Variants in TGFBR3 observed in about 807,000 individuals in gnomAD.
The protein encoded by TGFBR3 is transforming growth factor beta receptor type 3.
A neutral mutation model predicts 87.9 loss-of-function variants in TGFBR3; 46 were observed. The observed-to-expected ratio is 0.52, with a 90% CI of 0.41 to 0.67. The LOEUF is 0.67. Ranked by LOEUF, TGFBR3 falls within the 30% of genes least tolerant of loss-of-function variation. TGFBR3 has a pLI of 0.00. For missense variants in TGFBR3, 866 were observed against 1,041.9 expected, an observed-to-expected ratio of 0.83 and a Z score of 2.32; for synonymous variants, 381 against 391.6, an observed-to-expected ratio of 0.97 and a Z score of 0.32.
rs1036694652 is a variant in TGFBR3 at position 91,683,649 on chromosome 1, G to A, written c.*90C>T. The A allele has an allele frequency of 8.3e-6, 9 of 1,078,372 alleles. No homozygotes were observed. Among genetic ancestry groups the A allele is most frequent in the Middle Eastern group, 2.9e-4 (1 of 3,474 alleles). The allele number at this position is 1,078,372 out of a possible 1,614,324, so 66.8% of individuals were successfully genotyped here. ...AACCAAAATCCAGCCCTCTGAGTCTGGACACGAGGCTCAGCCATTGGTCCT... is the reference window on the plus strand; with the variant it reads ...AACCAAAATCCAGCCCTCTGAGTCTAGACACGAGGCTCAGCCATTGGTCCT... On this transcript the variant is annotated 3_prime_UTR_variant, in exon 17 of 17. Coordinates refer to ENST00000212355, the MANE Select transcript of TGFBR3 (RefSeq NM_003243.5).
In TGFBR3 at chr1:91,719,935, G is replaced by T. The variant is rs779756769; in HGVS notation, c.1371C>A (p.Asp457Glu). 1.7e-5 allele frequency: 28 copies of T among 1,614,150 alleles called. No individual in the cohort carries two copies. Among genetic ancestry groups the T allele is most frequent in the Non-Finnish European group, 2.3e-5 (27 of 1,180,034 alleles). Residue 457 changes from aspartate (D) to glutamate (E), a missense_variant, in exon 9 of 17, where the codon GAC becomes GAA. Physicochemically the swap from Asp to Glu is conservative, Grantham distance 45. Transcript: ENST00000212355. Reference protein sequence around the residue: ...SVDIALSVKCDNEKMIVAVEK... With the variant: ...SVDIALSVKCENEKMIVAVEK... ...CTACAGCCACGATCATCTTCTCATT[G>T]TCACATTTGACAGACAGGGCAATAT...
intron 16 of TGFBR3, among the ~76,000 whole-genome samples, chr1:91,694,616 T>C (rs1451234174): frequency 3.9e-5 from 6 of 152,240 alleles, no homozygotes; most frequent in African/African-American, 7.2e-5. Context: ...CAAAATATCC[T>C]TCAGTACTTC....
At chr1:91,722,248 G>A in intron 7 of TGFBR3, 104 bp from the exon 8 acceptor site, 1 of 987,866 alleles carries the variant, frequency 1.0e-6, no homozygotes, top group Non-Finnish European at 1.5e-6. Flanking sequence ...TTGTATATGA[G>A]GGAATTATTT....
chr1:91,731,851 A>G (rs1451545838), intron 5 of TGFBR3, among the ~76,000 whole-genome samples: 2 of 152,226 alleles, frequency 1.3e-5, no homozygotes, highest in Non-Finnish European at 2.9e-5. Context: ...CCACTAGGAA[A>G]GGTCTAATTG....
chr1:91,728,767 T>C (rs1672638900), intron 6 of TGFBR3, among the ~76,000 whole-genome samples: 1 of 152,094 alleles, frequency 6.6e-6, no homozygotes, highest in South Asian at 2.1e-4. Context: ...CCGATTAGCA[T>C]TTTCACCTCG....
chr1:91,734,615 T>C (rs549470309), intron 5 of TGFBR3, among the ~76,000 whole-genome samples, 161 bp downstream of exon 5: 1 of 152,290 alleles, frequency 6.6e-6, no homozygotes, highest in African/African-American at 2.4e-5. Flanking sequence ...GGAGGGAATA[T>C]GGGGGGCGGT....
At position 91,764,554 on chromosome 1, in the gene TGFBR3, C is replaced by T. The variant is rs1398707857; in HGVS notation, c.247-5804G>A. On this transcript the variant is annotated intron_variant, in intron 3 of 16. Transcript: ENST00000212355. ...TCCAGAGACCCAGGCCCTTCCTTCCCAGAGCAGCCACAGCTCCCCCGGCTG... is the reference window on the plus strand; with the variant it reads ...TCCAGAGACCCAGGCCCTTCCTTCCTAGAGCAGCCACAGCTCCCCCGGCTG... Among the ~76,000 whole-genome samples the T allele has an allele frequency of 3.9e-5, 6 of 151,982 alleles. No individual in the cohort carries two copies. In the East Asian group the frequency reaches 9.7e-4, roughly 25 times the overall value.
intron 14 of TGFBR3, among the ~76,000 whole-genome samples, chr1:91,705,753 G>A (rs758121080): frequency 5.3e-5 from 8 of 152,148 alleles, no homozygotes; most frequent in East Asian, 1.9e-4. Context: ...CAGTTTAACC[G>A]CCTCAATTTA....
chr1:91,814,210 CATATGT>C (rs142276368), intron 2 of TGFBR3, among the ~76,000 whole-genome samples: 158 of 151,792 alleles, frequency 1.0e-3, no homozygotes, highest in African/African-American at 3.3e-3. Flanking sequence ...TAAGGAAAGG[CATATGT>C]ATATGTATAT....
chr1:91,816,995 C>T (rs1327783233), intron 2 of TGFBR3, among the ~76,000 whole-genome samples: 2 of 152,172 alleles, frequency 1.3e-5, no homozygotes, highest in African/African-American at 2.4e-5. Flanking sequence ...TCTACAACTA[C>T]ACATTTGACA....
rs1671494081 is a variant in TGFBR3 at position 91,698,111 on chromosome 1, C to T, written c.2307G>A (p.Lys769=). 8 of 1,613,868 alleles carry T rather than the reference C, an allele frequency of 5.0e-6. No homozygotes were observed. Among genetic ancestry groups the T allele is most frequent in the South Asian group, 2.2e-5 (2 of 91,072 alleles). Residue 769 remains lysine (K), a synonymous_variant, in exon 15 of 17, where the codon AAG becomes AAA. Transcript: ENST00000212355. ...AESKEKGPSM[K]EPNPISPPIF... ...TACGTGGAGAAATTGGATTTGGTTC[C>T]TTCATGCTTGGACCTTTTTCTGAAA...
intron 16 of TGFBR3, among the ~76,000 whole-genome samples, chr1:91,693,796 T>C (rs576057406): frequency 6.6e-6 from 1 of 152,252 alleles, no homozygotes; most frequent in Admixed American, 6.5e-5. Flanking sequence ...CCCTAGAACC[T>C]CTCAGCCAGG....
chr1:91,891,456 C>T (rs189088541), intron 2 of TGFBR3, among the ~76,000 whole-genome samples: 1 of 151,766 alleles, frequency 6.6e-6, no homozygotes, highest in East Asian at 1.9e-4. Flanking sequence ...CGTGATCGTG[C>T]CACTGTACTC....
rs1221701291 is a variant in TGFBR3 at position 91,873,082 on chromosome 1, A to G, written c.-113-11438T>C. ...TGGCTCAAGCTATTCTCCCACCTCAACTACAGTCCCTTTAAGCAGGGACTA... is the reference window on the plus strand; with the variant it reads ...TGGCTCAAGCTATTCTCCCACCTCAGCTACAGTCCCTTTAAGCAGGGACTA... On this transcript the variant is annotated intron_variant, in intron 1 of 16. Coordinates refer to ENST00000212355, the MANE Select transcript of TGFBR3 (RefSeq NM_003243.5). 2.0e-5 allele frequency among the ~76,000 whole-genome samples: 3 copies of G among 151,930 alleles called. No homozygotes were observed. In the East Asian group the frequency reaches 5.8e-4, roughly 29 times the overall value.
intron 2 of TGFBR3, 121 bp from the exon 3 acceptor site, chr1:91,797,592 A>T: frequency 9.2e-7 from 1 of 1,086,910 alleles, no homozygotes; most frequent in Non-Finnish European, 1.4e-6. Flanking sequence ...AAACTGTTCC[A>T]AGACTAAGTG....
At chr1:91,834,119 T>G (rs999555029) in intron 2 of TGFBR3, among the ~76,000 whole-genome samples, 1 of 152,236 alleles carries the variant, frequency 6.6e-6, no homozygotes, top group Non-Finnish European at 1.5e-5. Flanking sequence ...TCATGGTTTT[T>G]TAACAATTCA....
At chr1:91,825,343 G>T (rs1248991685) in intron 2 of TGFBR3, among the ~76,000 whole-genome samples, 2 of 152,212 alleles carry the variant, frequency 1.3e-5, no homozygotes, top group African/African-American at 4.8e-5. Flanking sequence ...CTGCAACATG[G>T]ATGAACCTTG....
chr1:91,879,775 G>T (rs1336892446), intron 1 of TGFBR3, among the ~76,000 whole-genome samples: 1 of 152,126 alleles, frequency 6.6e-6, no homozygotes, highest in Admixed American at 6.6e-5. Flanking sequence ...CTCAATGTCA[G>T]TTAACAAACA....
intron 9 of TGFBR3, 27 bp downstream of exon 9, chr1:91,719,866 T>C (rs369787491): frequency 8.1e-6 from 13 of 1,609,330 alleles, no homozygotes; most frequent in African/African-American, 1.3e-5. Flanking sequence ...GTAGCCTCTC[T>C]TCCCTCCTGT....
Sources: allele counts gnomAD v4.1 joint callset (sites outside exome capture counted in the v4.1 genomes callset), GRCh38; gene constraint gnomAD v4.1.1; transcripts MANE v1.5; gene names NCBI Gene and HGNC (gene_info 2026-07-23, HGNC 2026-07-21).